Variants in KAZN observed in about 807,000 individuals in gnomAD.
KAZN encodes the protein kazrin.
KAZN carries 40 observed loss-of-function variants against 87.4 expected under a neutral mutation model. The observed-to-expected ratio is 0.46, with a 90% CI of 0.36 to 0.60. The LOEUF is 0.60. KAZN is among the 20% of genes least tolerant of loss of function. The pLI is 0.00. For synonymous variants in KAZN, 466 were observed against 458.3 expected, an observed-to-expected ratio of 1.02 and a Z score of -0.22; for missense variants, 898 against 1,073.9, an observed-to-expected ratio of 0.84 and a Z score of 2.29.
chr1:14,750,153 G>T (rs1305385664), intron 1 of KAZN, among the ~76,000 whole-genome samples: 1 of 151,952 alleles, frequency 6.6e-6, no homozygotes, highest in African/African-American at 2.4e-5. Context: ...TACCTCTCTG[G>T]GCTATTTTGG....
At chr1:13,924,864 G>A (rs1422509113) in intron 1 of KAZN, among the ~76,000 whole-genome samples, 4 of 152,162 alleles carry the variant, frequency 2.6e-5, no homozygotes, top group Non-Finnish European at 5.9e-5. Context: ...ATGGATGCGG[G>A]TCCTCAACCT....
chr1:14,972,125 C>T (rs183674063), intron 2 of KAZN, among the ~76,000 whole-genome samples: 38 of 152,326 alleles, frequency 2.5e-4, no homozygotes, highest in Non-Finnish European at 4.7e-4. Context: ...TGCGTCAAGC[C>T]AGGCTCTCCA....
intron 1 of KAZN, among the ~76,000 whole-genome samples, chr1:14,955,538 T>A (rs142113895): frequency 6.6e-6 from 1 of 152,192 alleles, no homozygotes; most frequent in African/African-American, 2.4e-5. Context: ...TCTCTTTCCA[T>A]GGAGTTGTTT....
At chr1:14,467,102 A>G (rs1668200361) in intron 2 of KAZN, among the ~76,000 whole-genome samples, 2 of 152,242 alleles carry the variant, frequency 1.3e-5, no homozygotes, top group South Asian at 4.1e-4. Flanking sequence ...AAAAATAACT[A>G]CATAAAGCAA....
chr1:14,898,479 G>C (rs188113298), intron 1 of KAZN, among the ~76,000 whole-genome samples: 1 of 152,300 alleles, frequency 6.6e-6, no homozygotes, highest in East Asian at 1.9e-4. Flanking sequence ...AGCAGATAGG[G>C]GTTGGGGTCA....
chr1:14,868,591 G>A (rs1175298715), intron 1 of KAZN, among the ~76,000 whole-genome samples: 1 of 151,798 alleles, frequency 6.6e-6, no homozygotes, highest in Non-Finnish European at 1.5e-5. Flanking sequence ...GAGTCTTGTA[G>A]ACCCAGAACA....
At chr1:14,113,067 C>T (rs1469578526) in intron 1 of KAZN, among the ~76,000 whole-genome samples, 1 of 152,208 alleles carries the variant, frequency 6.6e-6, no homozygotes, top group Non-Finnish European at 1.5e-5. Flanking sequence ...TTTCAATGTG[C>T]ACCCTCCAAA....
chr1:14,701,692 G>C (rs956613268), intron 1 of KAZN, among the ~76,000 whole-genome samples: 1 of 152,188 alleles, frequency 6.6e-6, no homozygotes, highest in African/African-American at 2.4e-5. Flanking sequence ...AGCTACTTGG[G>C]AGGCTGAGGT....
At chr1:14,122,842 G>A (rs920151842) in intron 1 of KAZN, among the ~76,000 whole-genome samples, 8 of 152,200 alleles carry the variant, frequency 5.3e-5, no homozygotes, top group South Asian at 4.2e-4. Flanking sequence ...GGACAAAAAT[G>A]TACCTGTATT....
chr1:14,700,703 G>A lies in KAZN; in HGVS notation c.226+101480G>A, dbSNP rs1480088214. On this transcript the variant is annotated intron_variant, in intron 1 of 14. Transcript: ENST00000376030. Reference sequence around the variant, plus strand: ...CTCTCTCGTGTCTAAAAAGGCAATGGTGTGGCTTGCCAGAGGCGTCCAGGA... The same window carrying A: ...CTCTCTCGTGTCTAAAAAGGCAATGATGTGGCTTGCCAGAGGCGTCCAGGA... 2.0e-5 allele frequency among the ~76,000 whole-genome samples: 3 copies of A among 152,078 alleles called. No individual in the cohort carries two copies. In the East Asian group the frequency reaches 5.8e-4, roughly 29 times the overall value.
At chr1:14,519,819 A>ATGCT (rs1466945518) in intron 2 of KAZN, among the ~76,000 whole-genome samples, 2 of 152,092 alleles carry the variant, frequency 1.3e-5, no homozygotes, top group Admixed American at 6.5e-5. Context: ...ATGACCCAGC[A>ATGCT]GCAGGAGAAA....
intron 1 of KAZN, among the ~76,000 whole-genome samples, chr1:14,763,842 C>G (rs1329080121): frequency 6.6e-6 from 1 of 152,152 alleles, no homozygotes; most frequent in African/African-American, 2.4e-5. Flanking sequence ...TTCCGCCTCC[C>G]AGGTTCAAGT....
chr1:14,957,827 GGGAGGCTGTCGGCACCGA>G (rs947034542), intron 1 of KAZN, among the ~76,000 whole-genome samples: 1 of 152,224 alleles, frequency 6.6e-6, no homozygotes, highest in African/African-American at 2.4e-5. Flanking sequence ...AGGTGGGGCG[GGGAGGCTGTCGGCACCGA>G]GTGAGATGTG....
At chr1:14,047,818 A>C (rs1325189534) in intron 1 of KAZN, among the ~76,000 whole-genome samples, 1 of 151,882 alleles carries the variant, frequency 6.6e-6, no homozygotes, top group Non-Finnish European at 1.5e-5. Flanking sequence ...CAGTGAGCTG[A>C]GATCACACCA....
chr1:14,807,927 C>T (rs1369947385), intron 1 of KAZN, among the ~76,000 whole-genome samples: 1 of 152,168 alleles, frequency 6.6e-6, no homozygotes, highest in Non-Finnish European at 1.5e-5. Context: ...CTACAAAAGT[C>T]TGTGGAGGAG....
intron 8 of KAZN, among the ~76,000 whole-genome samples, chr1:15,085,509 G>C (rs1640209356): frequency 6.6e-6 from 1 of 152,088 alleles, no homozygotes; most frequent in African/African-American, 2.4e-5. Context: ...TGTATTTTTG[G>C]TAGAGATGGG....
intron 1 of KAZN, among the ~76,000 whole-genome samples, chr1:14,774,996 T>A (rs1016785720): frequency 1.4e-4 from 21 of 152,194 alleles, no homozygotes; most frequent in Admixed American, 6.5e-4. Context: ...CTCATGGAGC[T>A]CCCAGGCCTG....
chr1:15,099,104 C>T lies in KAZN; in HGVS notation c.1548-2439C>T, dbSNP rs960362294. On this transcript the variant is annotated intron_variant, in intron 10 of 14. Transcript: ENST00000376030. The surrounding 1 kb of genome is among the most constrained non-coding windows in gnomAD (Gnocchi z 5.4). ...TCTCTGCAGAGTCCATAGGAGTTCA[C>T]TGGGGGAAGAGGGTGGGGTAGAGGA... 6.6e-6 allele frequency among the ~76,000 whole-genome samples: 1 copy of T among 152,122 alleles called. No homozygotes were observed. Among genetic ancestry groups the T allele is most frequent in the African/African-American group, 2.4e-5 (1 of 41,430 alleles).
chr1:15,099,071 A>G lies in KAZN; in HGVS notation c.1548-2472A>G, dbSNP rs771868168. On this transcript the variant is annotated intron_variant, in intron 10 of 14. Transcript: ENST00000376030. The surrounding 1 kb of genome is among the most constrained non-coding windows in gnomAD (Gnocchi z 5.4). ...TGACATCTTGGAAGGCTTCCGGGAG[A>G]CCAGACGTCTCTGCAGAGTCCATAG... Among the ~76,000 whole-genome samples the G allele has an allele frequency of 2.2e-4, 34 of 152,124 alleles. No homozygotes were observed. The highest frequency in any genetic ancestry group is 1.4e-3 in the Admixed American group (21 of 15,278).
Sources: allele counts gnomAD v4.1 joint callset (sites outside exome capture counted in the v4.1 genomes callset), GRCh38; gene constraint gnomAD v4.1.1; non-coding constraint Gnocchi (gnomAD v3.1); transcripts MANE v1.5; gene names NCBI Gene and HGNC (gene_info 2026-07-23, HGNC 2026-07-21).